NUP37: variants seen among roughly 807,000 people sequenced by gnomAD.
The protein encoded by NUP37 is nucleoporin Nup37.
In NUP37, 33 loss-of-function variants were observed where a neutral mutation model predicts 45.4. The ratio of observed to expected loss-of-function variants is 0.73; its 90% CI spans 0.55 to 0.97. NUP37 has a LOEUF of 0.97. NUP37 is among the 50% of genes least tolerant of loss of function. The pLI, the probability that NUP37 is intolerant of heterozygous loss-of-function variation, is 0.00. For synonymous variants in NUP37, 127 were observed against 130.7 expected, an observed-to-expected ratio of 0.97 and a Z score of 0.19; for missense variants, 365 against 389.7, an observed-to-expected ratio of 0.94 and a Z score of 0.53.
chr12:102,115,237 T>A (rs1490297858), intron 2 of NUP37, among the ~76,000 whole-genome samples: 1 of 152,200 alleles, frequency 6.6e-6, no homozygotes, highest in Non-Finnish European at 1.5e-5. Context: ...AAGATTACTG[T>A]CGATTTACAG....
intron 2 of NUP37, among the ~76,000 whole-genome samples, chr12:102,114,238 T>C (rs968108067): frequency 3.3e-5 from 5 of 152,230 alleles, no homozygotes; most frequent in Admixed American, 6.5e-5. Flanking sequence ...ATGAAGTTTT[T>C]GCATGTAAAT....
At chr12:102,076,219 A>G (rs943218291) in intron 8 of NUP37, among the ~76,000 whole-genome samples, 12 of 152,208 alleles carry the variant, frequency 7.9e-5, no homozygotes, top group Non-Finnish European at 1.8e-4. Context: ...TTTATTCTTA[A>G]TAATGGTATC....
rs762385668 is a variant in NUP37, at chr12:102,085,857, C to G, written c.450-1G>C. Reference sequence around the variant, plus strand: ...TTGCACTCCTTCCAAGTTCCAAATCCTAATAAAAGAATAACAGTATAATGT... The same window carrying G: ...TTGCACTCCTTCCAAGTTCCAAATCGTAATAAAAGAATAACAGTATAATGT... On this transcript the variant is annotated splice_acceptor_variant, in intron 5 of 9. Transcript: ENST00000552283. LOFTEE classifies it high-confidence loss of function. The G allele has an allele frequency of 2.7e-6, 4 of 1,491,166 alleles. No individual in the cohort carries two copies. The South Asian group carries it at 4.7e-5, about 17-fold the overall frequency. The allele number at this position is 1,491,166 out of a possible 1,614,324, so 92.4% of individuals were successfully genotyped here.
At chr12:102,103,264 T>C (rs1469857747) in intron 3 of NUP37, among the ~76,000 whole-genome samples, 2 of 152,194 alleles carry the variant, frequency 1.3e-5, no homozygotes, top group Admixed American at 1.3e-4. Context: ...TGTGCCAAGT[T>C]CAATGTCTTT....
intron 5 of NUP37, among the ~76,000 whole-genome samples, chr12:102,097,400 C>T (rs1357277889): frequency 2.0e-5 from 3 of 152,248 alleles, no homozygotes; most frequent in East Asian, 3.9e-4. Flanking sequence ...TCCTTTCCTA[C>T]TTTTTAGAGT....
chr12:102,093,265 G>C (rs964851698), intron 5 of NUP37, among the ~76,000 whole-genome samples: 1 of 151,908 alleles, frequency 6.6e-6, no homozygotes, highest in Non-Finnish European at 1.5e-5. Flanking sequence ...GCTTTGGGGA[G>C]GATAAAAATT....
intron 5 of NUP37, 47 bp downstream of exon 5, chr12:102,099,059 C>T (rs1024799596): frequency 2.5e-6 from 3 of 1,197,750 alleles, no homozygotes; most frequent in South Asian, 1.2e-5. Flanking sequence ...ATGTAATTCT[C>T]ATTAAAATGG....
At chr12:102,116,063 T>A (rs1005990934) in intron 2 of NUP37, among the ~76,000 whole-genome samples, 1 of 152,002 alleles carries the variant, frequency 6.6e-6, no homozygotes, top group African/African-American at 2.4e-5. Flanking sequence ...GAGACCTACA[T>A]TGCTAATCTC....
intron 5 of NUP37, among the ~76,000 whole-genome samples, chr12:102,097,600 T>A (rs1879841778): frequency 6.6e-6 from 1 of 152,192 alleles, no homozygotes; most frequent in Admixed American, 6.5e-5. Context: ...CTGAGTGTGA[T>A]CCTAGGTCTC....
At chr12:102,119,774 C>A (rs145874946) in intron 1 of NUP37, among the ~76,000 whole-genome samples, 3,915 of 152,286 alleles carry the variant, frequency 0.026, 142 homozygotes, top group African/African-American at 0.077. Flanking sequence ...GTCCCTACAC[C>A]TACTGCTCAT....
chr12:102,105,400 T>C (rs1257778740), intron 3 of NUP37, among the ~76,000 whole-genome samples: 2 of 150,994 alleles, frequency 1.3e-5, no homozygotes, highest in Admixed American at 6.6e-5. Flanking sequence ...TGCAGTGGCG[T>C]GTGCCTGTAG....
chr12:102,102,828 T>C (rs1880013539), intron 3 of NUP37, among the ~76,000 whole-genome samples: 1 of 152,248 alleles, frequency 6.6e-6, no homozygotes, highest in Non-Finnish European at 1.5e-5. Context: ...AAATACAGTT[T>C]TGCAACATCA....
chr12:102,095,981 T>C (rs1396742218), intron 5 of NUP37, among the ~76,000 whole-genome samples: 2 of 152,120 alleles, frequency 1.3e-5, no homozygotes, highest in Non-Finnish European at 2.9e-5. Flanking sequence ...TTTTCTGATA[T>C]CCAGTCTTAC....
chr12:102,091,960 T>A (rs1879670011), intron 5 of NUP37, among the ~76,000 whole-genome samples: 2 of 152,214 alleles, frequency 1.3e-5, no homozygotes, highest in African/African-American at 2.4e-5. Flanking sequence ...CCATATGGTA[T>A]TTAAATGTTA....
Position 102,088,526 on chromosome 12 carries a change from A to G in NUP37, c.450-2670T>C, listed in dbSNP as rs1487883901. On this transcript the variant is annotated intron_variant, in intron 5 of 9. Coordinates refer to ENST00000552283, the MANE Select transcript of NUP37 (RefSeq NM_024057.4). ...TACTGTCTCACAAAAGGTACCCACTATTCTGACTTCAAATGTTATTGCTTA... is the reference window on the plus strand; with the variant it reads ...TACTGTCTCACAAAAGGTACCCACTGTTCTGACTTCAAATGTTATTGCTTA... 2.6e-5 allele frequency among the ~76,000 whole-genome samples: 4 copies of G among 152,204 alleles called. No individual in the cohort carries two copies. In the East Asian group the frequency reaches 7.7e-4, roughly 29 times the overall value.
rs746979579 is a variant in NUP37 at position 102,118,485 on chromosome 12, T to G, written c.34A>C (p.Thr12Pro). 9 of 1,611,494 alleles carry G rather than the reference T, an allele frequency of 5.6e-6. No homozygotes were observed. Among genetic ancestry groups the G allele is most frequent in the East Asian group, 2.2e-5 (1 of 44,850 alleles). ...TGCACATAATCTTCACAATCCACAG[T>G]GTAGGCAGCATTTCTTGAGGCATCT... ...KQDASRNAAY[T>P]VDCEDYVHVV... is the part of the protein sequence containing the mutation. The change falls in exon 2 of 10, where the codon ACT becomes CCT. Residue 12 changes from threonine (T) to proline (P), a missense_variant. Transcript: ENST00000552283.
Position 102,085,872 on chromosome 12 carries a change from C to G in NUP37, c.450-16G>C, listed in dbSNP as rs751199788. The G allele has an allele frequency of 1.5e-6, 2 of 1,300,916 alleles. No individual in the cohort carries two copies. The highest frequency in any genetic ancestry group is 1.9e-5 in the Admixed American group (1 of 52,886). 80.6% of individuals were successfully genotyped at this position (1,300,916 alleles called of 1,614,324 possible). On this transcript the variant is annotated splice_polypyrimidine_tract_variant and intron_variant, in intron 5 of 9. Transcript: ENST00000552283. ...GTTCCAAATCCTAATAAAAGAATAA[C>G]AGTATAATGTTAATTGTTCTTGATA...
intron 6 of NUP37, among the ~76,000 whole-genome samples, chr12:102,080,910 T>A (rs938173015): frequency 2.6e-5 from 4 of 152,200 alleles, no homozygotes; most frequent in Non-Finnish European, 5.9e-5. Context: ...ATTTCAGGTA[T>A]AACTTATGGA....
In NUP37 at chr12:102,076,799, GA is replaced by G; in HGVS notation, c.770del (p.Phe257SerfsTer29). 6.2e-7 allele frequency: 1 copy of G among 1,613,126 alleles called. No individual in the cohort carries two copies. Among genetic ancestry groups the G allele is most frequent in the Middle Eastern group, 1.6e-4 (1 of 6,062 alleles). ...RPVHMDRACL[F>X]RWSTISENLF... The stretch of plus-strand genomic sequence containing the variant: ...CTCCAACAAAAACGGTACATTACCT[GA>G]ATAAGCAGGCTCGATCCATGTGAAC... On this transcript the variant is annotated frameshift_variant, in exon 8 of 10. Coordinates refer to ENST00000552283, the MANE Select transcript of NUP37 (RefSeq NM_024057.4). LOFTEE classifies it high-confidence loss of function.
Sources: gnomAD v4.1 joint callset for allele counts (sites outside exome capture counted in the v4.1 genomes callset) on GRCh38, gnomAD v4.1.1 for gene constraint, MANE v1.5 for transcripts, NCBI Gene and HGNC (gene_info 2026-07-23, HGNC 2026-07-21) for gene names.